The following ENOX1 variants were observed in gnomAD, a reference collection of about 807,000 sequenced individuals.
ENOX1 encodes the protein candidate growth-related and time keeping constitutive hydroquinone (NADH) oxidase.
In ENOX1, 42 loss-of-function variants were observed where a neutral mutation model predicts 82.5. That is an observed-to-expected ratio of 0.51 (90% CI 0.40 to 0.66). ENOX1 has a LOEUF of 0.66. Ranked by LOEUF, ENOX1 falls within the 30% of genes least tolerant of loss-of-function variation. The probability of loss-of-function intolerance (pLI) is 0.00; values close to 1 mark genes in which losing one functional copy is unlikely to be tolerated. For missense variants in ENOX1, 608 were observed against 811.6 expected, an observed-to-expected ratio of 0.75 and a Z score of 3.05; for synonymous variants, 271 against 282.2, an observed-to-expected ratio of 0.96 and a Z score of 0.40.
chr13:43,705,514 G>A (rs1375692282), intron 1 of ENOX1, among the ~76,000 whole-genome samples: 1 of 151,604 alleles, frequency 6.6e-6, no homozygotes, highest in East Asian at 1.9e-4. Flanking sequence ...CCACATATAA[G>A]AAAGCCTGTA....
At chr13:43,731,658 T>G (rs2089357572) in intron 1 of ENOX1, among the ~76,000 whole-genome samples, 1 of 152,158 alleles carries the variant, frequency 6.6e-6, no homozygotes, top group Admixed American at 6.5e-5. Context: ...ATAACCAACA[T>G]ATTTCAAAAA....
intron 1 of ENOX1, among the ~76,000 whole-genome samples, chr13:43,702,498 C>A (rs2086962776): frequency 6.6e-6 from 1 of 152,190 alleles, no homozygotes; most frequent in Non-Finnish European, 1.5e-5. Flanking sequence ...ACGGGGCATG[C>A]TGAATTCCTA....
chr13:43,392,721 C>T (rs145299799), intron 5 of ENOX1, among the ~76,000 whole-genome samples: 36 of 152,162 alleles, frequency 2.4e-4, no homozygotes, highest in African/African-American at 8.2e-4. Flanking sequence ...ATTCAAACAC[C>T]CATTTTTTTT....
Position 43,451,895 on chromosome 13 carries a change from C to T in ENOX1, c.-75+32114G>A, listed in dbSNP as rs371776369. Among the ~76,000 whole-genome samples the T allele has an allele frequency of 7.2e-5, 11 of 152,110 alleles. No homozygotes were observed. In the East Asian group the frequency reaches 1.7e-3, roughly 24 times the overall value. On this transcript the variant is annotated intron_variant, in intron 3 of 16. Coordinates refer to ENST00000690772, the MANE Select transcript of ENOX1 (RefSeq NM_001347969.2). ...AGTATGAAGATAGATCACAAATAAA[C>T]AAATAAGTTATAGATTATATCAGAT...
At chr13:43,594,331 A>C (rs1019208697) in intron 2 of ENOX1, among the ~76,000 whole-genome samples, 1 of 152,236 alleles carries the variant, frequency 6.6e-6, no homozygotes, top group Non-Finnish European at 1.5e-5. Flanking sequence ...AATAAAGATT[A>C]GTCTGTACAC....
intron 1 of ENOX1, among the ~76,000 whole-genome samples, chr13:43,674,359 C>T (rs1308914039): frequency 6.6e-6 from 1 of 151,948 alleles, no homozygotes; most frequent in South Asian, 2.1e-4. Flanking sequence ...TGATGAGAGG[C>T]TAGAAAAATA....
In ENOX1 at chr13:43,740,479, T is replaced by A. The variant is rs567441271; in HGVS notation, c.-285+46173A>T. ...TCACAGACAACTTTAAAACATTTTT[T>A]ATTTTTTTTTAACTTTTTAAGTTCA... is the stretch of plus-strand genomic sequence containing the variant. On this transcript the variant is annotated intron_variant, in intron 1 of 16. Coordinates refer to ENST00000690772, the MANE Select transcript of ENOX1 (RefSeq NM_001347969.2). Among the ~76,000 whole-genome samples, 5 of 152,312 alleles carry A rather than the reference T, an allele frequency of 3.3e-5. No individual in the cohort carries two copies. In the East Asian group the frequency reaches 9.6e-4, roughly 29 times the overall value.
At chr13:43,714,903 C>A (rs1223757036) in intron 1 of ENOX1, among the ~76,000 whole-genome samples, 1 of 152,134 alleles carries the variant, frequency 6.6e-6, no homozygotes, top group Non-Finnish European at 1.5e-5. Flanking sequence ...GCATTTAGCC[C>A]ATTTACATTT....
intron 3 of ENOX1, among the ~76,000 whole-genome samples, chr13:43,472,176 T>C (rs1016643505): frequency 6.6e-6 from 1 of 152,076 alleles, no homozygotes; most frequent in South Asian, 2.1e-4. Context: ...CTTGCCAATA[T>C]ATGTAAAAAA....
At chr13:43,343,617 TG>T (rs36046890) in intron 9 of ENOX1, among the ~76,000 whole-genome samples, 3,580 of 152,330 alleles carry the variant, frequency 0.024, 67 homozygotes, top group Admixed American at 0.036. Flanking sequence ...TCCTTGTGTT[TG>T]CACTGATGAA....
intron 3 of ENOX1, among the ~76,000 whole-genome samples, chr13:43,475,709 C>T (rs1174271650): frequency 7.5e-6 from 1 of 133,444 alleles, no homozygotes; most frequent in Non-Finnish European, 1.5e-5. Context: ...GAAATAGTGG[C>T]TTTTACTCTT....
At chr13:43,777,707 T>C (rs373393110) in intron 1 of ENOX1, among the ~76,000 whole-genome samples, 5 of 151,674 alleles carry the variant, frequency 3.3e-5, no homozygotes. Flanking sequence ...TATGCCTGGC[T>C]AATTTTTTTT....
chr13:43,619,175 C>A (rs2082617388), intron 2 of ENOX1, among the ~76,000 whole-genome samples: 1 of 151,922 alleles, frequency 6.6e-6, no homozygotes, highest in Non-Finnish European at 1.5e-5. Flanking sequence ...ACAATCATAT[C>A]ATCAGCAAAC....
chr13:43,219,997 G>A (rs2041701737), intron 16 of ENOX1, among the ~76,000 whole-genome samples: 1 of 152,162 alleles, frequency 6.6e-6, no homozygotes, highest in African/African-American at 2.4e-5. Flanking sequence ...TCCTGGGCAG[G>A]GCACAGTGTT....
At chr13:43,253,457 A>G (rs1417579400) in intron 14 of ENOX1, among the ~76,000 whole-genome samples, 1 of 152,218 alleles carries the variant, frequency 6.6e-6, no homozygotes, top group Non-Finnish European at 1.5e-5. Context: ...AGCACTGCAG[A>G]ACCATCCTGG....
At chr13:43,564,838 A>T (rs749148813) in intron 2 of ENOX1, among the ~76,000 whole-genome samples, 2 of 152,114 alleles carry the variant, frequency 1.3e-5, no homozygotes, top group Non-Finnish European at 2.9e-5. Context: ...TGGTCCCTGC[A>T]GCCCCTGACT....
At chr13:43,510,129 C>T (rs954020716) in intron 2 of ENOX1, among the ~76,000 whole-genome samples, 24 of 152,066 alleles carry the variant, frequency 1.6e-4, no homozygotes, top group African/African-American at 5.8e-4. Context: ...AAAGAATAAT[C>T]TATAAATATT....
chr13:43,541,289 A>G (rs2078716122), intron 2 of ENOX1, among the ~76,000 whole-genome samples: 1 of 147,436 alleles, frequency 6.8e-6, no homozygotes, highest in East Asian at 2.1e-4. Flanking sequence ...GGTTGAGGTC[A>G]GGAGTTTGAG....
At chr13:43,471,972 T>C (rs904609535) in intron 3 of ENOX1, among the ~76,000 whole-genome samples, 3 of 151,468 alleles carry the variant, frequency 2.0e-5, no homozygotes, top group Non-Finnish European at 2.9e-5. Flanking sequence ...GAATATAAAA[T>C]GTTTAAATAA....
Sources: gnomAD v4.1 joint callset for allele counts (sites outside exome capture counted in the v4.1 genomes callset) on GRCh38, gnomAD v4.1.1 for gene constraint, MANE v1.5 for transcripts, NCBI Gene and HGNC (gene_info 2026-07-23, HGNC 2026-07-21) for gene names.